CNTNAP5: variants seen among roughly 807,000 people sequenced by gnomAD.
CNTNAP5 encodes contactin associated protein family member 5.
Under a neutral mutation model 150.2 loss-of-function variants are expected in CNTNAP5, and 72 were observed. The ratio of observed to expected loss-of-function variants is 0.48; its 90% CI spans 0.40 to 0.58. The LOEUF is 0.58. Ranked by LOEUF, CNTNAP5 falls within the 20% of genes least tolerant of loss-of-function variation. CNTNAP5 has a pLI of 0.00. For synonymous variants in CNTNAP5, 672 were observed against 619.8 expected (o/e 1.08, Z -1.25); for missense variants, 1,636 against 1,626.2 (o/e 1.01, Z -0.10).
intron 13 of CNTNAP5, among the ~76,000 whole-genome samples, chr2:124,690,590 C>A (rs1679281209): frequency 6.6e-6 from 1 of 152,062 alleles, no homozygotes; most frequent in Non-Finnish European, 1.5e-5. Context: ...CCCTCTGTGA[C>A]CCTGCTCCCT....
chr2:124,553,915 G>T (rs1695690501), intron 10 of CNTNAP5, among the ~76,000 whole-genome samples: 1 of 152,142 alleles, frequency 6.6e-6, no homozygotes, highest in South Asian at 2.1e-4. Flanking sequence ...GGATATGAGG[G>T]CCAAAGGTGG....
At chr2:124,444,509 C>T (rs558612592) in intron 5 of CNTNAP5, among the ~76,000 whole-genome samples, 3 of 152,108 alleles carry the variant, frequency 2.0e-5, no homozygotes, top group Non-Finnish European at 2.9e-5. Flanking sequence ...GCAGGAGAAT[C>T]GCTTGAACCC....
At position 124,914,200 on chromosome 2, in the gene CNTNAP5, A is replaced by G; in HGVS notation, c.3836A>G (p.Glu1279Gly). The stretch of plus-strand genomic sequence containing the variant: ...CGTACGAGCCAGATGAAGGAGAAGG[A>G]ATATCCAGAAAATTTGGACAGTTCC... ...SHRTSQMKEK[E>G]YPENLDSSFR... is the part of the protein sequence containing the mutation. The change falls in exon 24 of 24, where the codon GAA (glutamate) becomes GGA (glycine). Residue 1279 changes from glutamate to glycine, a missense_variant. Coordinates refer to ENST00000682447, the MANE Select transcript of CNTNAP5 (RefSeq NM_001367498.1). 1 of 1,612,634 alleles carries G rather than the reference A, an allele frequency of 6.2e-7. No individual in the cohort carries two copies. Among genetic ancestry groups the G allele is most frequent in the East Asian group, 2.2e-5 (1 of 44,776 alleles).
intron 1 of CNTNAP5, among the ~76,000 whole-genome samples, chr2:124,053,668 A>G (rs1171557746): frequency 6.6e-6 from 1 of 152,216 alleles, no homozygotes; most frequent in Non-Finnish European, 1.5e-5. Flanking sequence ...CACCTAGTAC[A>G]GTGTCAGGTA....
intron 1 of CNTNAP5, among the ~76,000 whole-genome samples, chr2:124,143,668 A>T (rs896157604): frequency 8.2e-6 from 1 of 121,874 alleles, no homozygotes; most frequent in African/African-American, 3.2e-5. Context: ...ATCTATGACA[A>T]ACCCACAGCC....
chr2:124,036,819 G>T (rs1322621466), intron 1 of CNTNAP5, among the ~76,000 whole-genome samples: 2 of 152,140 alleles, frequency 1.3e-5, no homozygotes. Context: ...CTTGGATGGT[G>T]TGGTAATTTA....
At chr2:124,619,954 A>G (rs952174809) in intron 12 of CNTNAP5, among the ~76,000 whole-genome samples, 2 of 144,080 alleles carry the variant, frequency 1.4e-5, no homozygotes, top group Non-Finnish European at 3.0e-5. Flanking sequence ...ACACACACAC[A>G]GTTTAGTTTA....
At chr2:124,588,028 C>T (rs1013638208) in intron 11 of CNTNAP5, among the ~76,000 whole-genome samples, 2 of 151,980 alleles carry the variant, frequency 1.3e-5, no homozygotes, top group African/African-American at 4.8e-5. Context: ...AATCTCAGGC[C>T]TGTCACGATT....
At chr2:124,182,871 T>C (rs1685242818) in intron 1 of CNTNAP5, among the ~76,000 whole-genome samples, 1 of 152,140 alleles carries the variant, frequency 6.6e-6, no homozygotes, top group Non-Finnish European at 1.5e-5. Context: ...TTTTGTTCCA[T>C]ACCAGCCAAG....
At chr2:124,414,167 T>TGAA in intron 3 of CNTNAP5, among the ~76,000 whole-genome samples, 1 of 151,854 alleles carries the variant, frequency 6.6e-6, no homozygotes, top group Non-Finnish European at 1.5e-5. Flanking sequence ...TTCTTGTTGT[T>TGAA]CACATGTTAC....
At chr2:124,811,053 C>T (rs72847374) in intron 19 of CNTNAP5, among the ~76,000 whole-genome samples, 22,713 of 151,984 alleles carry the variant, frequency 0.15, 1,760 homozygotes, top group African/African-American at 0.17. Flanking sequence ...GTAACAAATA[C>T]CAGCTTTATC....
intron 21 of CNTNAP5, among the ~76,000 whole-genome samples, chr2:124,870,069 A>G (rs1280334734): frequency 1.3e-5 from 2 of 152,086 alleles, no homozygotes; most frequent in Admixed American, 6.6e-5. Flanking sequence ...ACTTAAATGT[A>G]TGAGTGCATA....
chr2:124,634,389 G>A (rs1677928827), intron 12 of CNTNAP5, among the ~76,000 whole-genome samples: 1 of 152,072 alleles, frequency 6.6e-6, no homozygotes, highest in Non-Finnish European at 1.5e-5. Context: ...CAAGAGCAGG[G>A]GCACAATGCT....
At chr2:124,070,678 C>T in intron 1 of CNTNAP5, among the ~76,000 whole-genome samples, 1 of 151,830 alleles carries the variant, frequency 6.6e-6, no homozygotes, top group East Asian at 1.9e-4. Flanking sequence ...CCACCCAACA[C>T]TAGAGCATTC....
intron 3 of CNTNAP5, among the ~76,000 whole-genome samples, chr2:124,329,387 T>C (rs563683948): frequency 6.6e-6 from 1 of 152,296 alleles, no homozygotes; most frequent in Admixed American, 6.5e-5. Flanking sequence ...CTCAGTCAGA[T>C]AGGGGAACTT....
intron 1 of CNTNAP5, among the ~76,000 whole-genome samples, chr2:124,061,732 A>T (rs1682015381): frequency 6.6e-6 from 1 of 152,230 alleles, no homozygotes; most frequent in South Asian, 2.1e-4. Context: ...ATAATAACAG[A>T]ATTGGGTTTA....
At chr2:124,560,282 T>G (rs149938720) in intron 10 of CNTNAP5, among the ~76,000 whole-genome samples, 3,946 of 152,156 alleles carry the variant, frequency 0.026, 90 homozygotes, top group East Asian at 0.094. Context: ...CCGAGGCAGG[T>G]GGATCACCTG....
intron 1 of CNTNAP5, among the ~76,000 whole-genome samples, chr2:124,193,674 G>C (rs1685510213): frequency 6.6e-6 from 1 of 152,140 alleles, no homozygotes; most frequent in Admixed American, 6.5e-5. Flanking sequence ...ATACCTCACT[G>C]GACAAGGAGG....
intron 3 of CNTNAP5, among the ~76,000 whole-genome samples, chr2:124,349,113 C>T (rs574630223): frequency 8.5e-5 from 13 of 152,234 alleles, no homozygotes; most frequent in South Asian, 6.2e-4. Context: ...TCACTCACAA[C>T]GGAAATACAT....
Sources: gnomAD v4.1 joint callset for allele counts (sites outside exome capture counted in the v4.1 genomes callset) on GRCh38, gnomAD v4.1.1 for gene constraint, MANE v1.5 for transcripts, NCBI Gene and HGNC (gene_info 2026-07-23, HGNC 2026-07-21) for gene names.